DNAH7: variants seen among roughly 807,000 people sequenced by gnomAD.
The protein encoded by DNAH7 is axonemal beta dynein heavy chain 7.
A neutral mutation model predicts 444.6 loss-of-function variants in DNAH7; 397 were observed. The ratio of observed to expected loss-of-function variants is 0.89; its 90% confidence interval spans 0.82 to 0.97. The LOEUF (loss-of-function observed/expected upper bound fraction) is 0.97. Among genes scored for constraint, DNAH7 ranks in the 50% least tolerant of loss-of-function variants. DNAH7 has a pLI of 0.00. For missense variants in DNAH7, 4,902 were observed against 4,800.8 expected (o/e 1.02, Z -0.62); for synonymous variants, 1,636 against 1,624.4 (o/e 1.01, Z -0.17).
chr2:195,952,546 C>A (rs553914049), intron 19 of DNAH7, among the ~76,000 whole-genome samples: 1 of 152,256 alleles, frequency 6.6e-6, no homozygotes, highest in East Asian at 1.9e-4. Flanking sequence ...CCATTCTCCC[C>A]GTCAATTTCA....
At chr2:196,031,069 A>G (rs1696026928) in intron 5 of DNAH7, among the ~76,000 whole-genome samples, 1 of 152,242 alleles carries the variant, frequency 6.6e-6, no homozygotes, top group Admixed American at 6.5e-5. Flanking sequence ...CTGCCCTTGC[A>G]GGAAACTTTT....
At chr2:195,852,739 A>C (rs1699445370) in intron 46 of DNAH7, among the ~76,000 whole-genome samples, 1 of 152,172 alleles carries the variant, frequency 6.6e-6, no homozygotes, top group Admixed American at 6.5e-5. Flanking sequence ...GTGGGAGGCA[A>C]GGCAGGGAAC....
chr2:196,002,702 A>G (rs972230126), intron 10 of DNAH7, among the ~76,000 whole-genome samples: 7 of 152,306 alleles, frequency 4.6e-5, no homozygotes, highest in African/African-American at 1.4e-4. Context: ...ACAGTGTTGT[A>G]GAAGATATAA....
At chr2:196,057,961 A>T in intron 2 of DNAH7, 93 bp downstream of exon 2, 1 of 1,048,698 alleles carries the variant, frequency 9.5e-7, no homozygotes, top group South Asian at 2.4e-5. Flanking sequence ...AAAATTTAAA[A>T]TCAGAAATTC....
At chr2:196,000,146 T>TA (rs944542612) in intron 12 of DNAH7, among the ~76,000 whole-genome samples, 10 of 152,284 alleles carry the variant, frequency 6.6e-5, no homozygotes, top group Non-Finnish European at 1.3e-4. Context: ...TAAGTTATTT[T>TA]AAAAATACAA....
rs574406797 is a variant in DNAH7 at position 195,750,589 on chromosome 2, T to A, written c.11764+3748A>T. Among the ~76,000 whole-genome samples the A allele has an allele frequency of 2.6e-5, 4 of 152,342 alleles. No homozygotes were observed. In the East Asian group the frequency reaches 7.7e-4, roughly 29 times the overall value. On this transcript the variant is annotated intron_variant, in intron 63 of 64. Coordinates refer to ENST00000312428, the MANE Select transcript of DNAH7 (RefSeq NM_018897.3). ...TTCTACCAAAATACTCAGTAGGCCA[T>A]AGAGAAAGCAGCTAAGCATGAGAGC...
At chr2:195,967,768 G>C (rs1413771717) in intron 17 of DNAH7, among the ~76,000 whole-genome samples, 29 of 152,108 alleles carry the variant, frequency 1.9e-4, no homozygotes, top group Non-Finnish European at 1.0e-4. Context: ...CTGCTTTTAG[G>C]TTCCTTTATT....
intron 19 of DNAH7, among the ~76,000 whole-genome samples, chr2:195,953,896 C>T (rs1408502853): frequency 6.6e-6 from 1 of 152,198 alleles, no homozygotes; most frequent in Non-Finnish European, 1.5e-5. Context: ...TGTCATTAGA[C>T]TTCCTAAAAG....
intron 47 of DNAH7, among the ~76,000 whole-genome samples, chr2:195,838,883 A>G (rs1574531352): frequency 6.6e-6 from 1 of 152,040 alleles, no homozygotes. Flanking sequence ...CATCAAGAAG[A>G]CATAATAGTC....
intron 47 of DNAH7, among the ~76,000 whole-genome samples, chr2:195,840,174 T>G (rs553301648): frequency 1.3e-5 from 2 of 151,880 alleles, no homozygotes; most frequent in East Asian, 3.9e-4. Context: ...AAGTAGAGTT[T>G]AATCTGGAAA....
chr2:195,960,661 C>T lies in DNAH7; in HGVS notation c.2490G>A (p.Lys830=). The change falls in exon 18 of 65, where the codon AAG becomes AAA. Residue 830 remains lysine, a synonymous_variant. Coordinates refer to ENST00000312428, the MANE Select transcript of DNAH7 (RefSeq NM_018897.3). The part of the protein sequence containing the change: ...ALAMTKKVRS[K]VEDFKQHIPL... Reference sequence around the variant, plus strand: ...GAATGTGCTGCTTGAAATCTTCCACCTTTGATCTTACTTTTTTTGTCATTG... The same window carrying T: ...GAATGTGCTGCTTGAAATCTTCCACTTTTGATCTTACTTTTTTTGTCATTG... 1 of 1,614,206 alleles carries T rather than the reference C, an allele frequency of 6.2e-7. No homozygotes were observed. Among genetic ancestry groups the T allele is most frequent in the Non-Finnish European group, 8.5e-7 (1 of 1,180,022 alleles).
At position 195,826,026 on chromosome 2, in the gene DNAH7, C is replaced by A. The variant is rs538047500; in HGVS notation, c.9101-1581G>T. ...TTTTCATGGTTAAATAATATGAATG[C>A]ATCATAATGTATTAAATATGTTAAT... is the stretch of plus-strand genomic sequence containing the variant. On this transcript the variant is annotated intron_variant, in intron 48 of 64. Transcript: ENST00000312428. Among the ~76,000 whole-genome samples, 4 of 152,168 alleles carry A rather than the reference C, an allele frequency of 2.6e-5. No homozygotes were observed. In the South Asian group the frequency reaches 6.2e-4, roughly 24 times the overall value.
At chr2:195,752,270 C>A (rs1350425330) in intron 63 of DNAH7, among the ~76,000 whole-genome samples, 20 of 132,696 alleles carry the variant, frequency 1.5e-4, no homozygotes, top group African/African-American at 3.0e-4. Flanking sequence ...GACCCTATCT[C>A]AAAAAAAAAA....
intron 62 of DNAH7, 122 bp downstream of exon 62, chr2:195,756,011 G>A (rs1022124151): frequency 8.4e-6 from 8 of 956,910 alleles, no homozygotes; most frequent in Non-Finnish European, 1.2e-5. Context: ...ATTAAGTAGT[G>A]GTGATTTGTG....
intron 46 of DNAH7, among the ~76,000 whole-genome samples, chr2:195,853,038 ATT>A (rs1478354663): frequency 5.3e-5 from 8 of 152,174 alleles, no homozygotes; most frequent in African/African-American, 1.9e-4. Flanking sequence ...TTTAAAAAAA[ATT>A]TTATTTTTAA....
At chr2:195,896,222 G>C (rs1389115178) in intron 29 of DNAH7, among the ~76,000 whole-genome samples, 4 of 152,118 alleles carry the variant, frequency 2.6e-5, no homozygotes, top group Admixed American at 6.5e-5. Context: ...TTAAATTTTA[G>C]CCATGCTGTG....
chr2:195,792,163 T>C (rs377722970), intron 57 of DNAH7, among the ~76,000 whole-genome samples: 69 of 45,538 alleles, frequency 1.5e-3, no homozygotes, highest in African/African-American at 5.8e-3. Flanking sequence ...TGAGACCCTG[T>C]CTCAAAAAAA....
rs200552499 is a variant in DNAH7 at position 195,970,003 on chromosome 2, C to T, written c.2150G>A (p.Arg717Gln). 9 of 1,611,978 alleles carry T rather than the reference C, an allele frequency of 5.6e-6. No homozygotes were observed. Among genetic ancestry groups the T allele is most frequent in the South Asian group, 3.3e-5 (3 of 90,666 alleles). ...CAGTATTTGAGCCTTTTTTAGGTACCGCTGAACATCCTGAAGATCTCCAAA... is the reference window on the plus strand; with the variant it reads ...CAGTATTTGAGCCTTTTTTAGGTACTGCTGAACATCCTGAAGATCTCCAAA... The part of the protein sequence containing the change: ...YSFGDLQDVQ[R>Q]YLKKAQILNG... Residue 717 changes from arginine to glutamine, a missense_variant, in exon 17 of 65, where the codon CGG (arginine) becomes CAG (glutamine). By Grantham distance (43) the Arg-to-Gln change is conservative. Transcript: ENST00000312428.
intron 30 of DNAH7, chr2:195,894,561 T>TA (rs1702197008): frequency 2.0e-5 from 3 of 149,698 alleles, no homozygotes; most frequent in African/African-American, 7.4e-5. Flanking sequence ...GAATGTGTCA[T>TA]TATATATGTG....
Sources: gnomAD v4.1 joint callset for allele counts (sites outside exome capture counted in the v4.1 genomes callset) on GRCh38, gnomAD v4.1.1 for gene constraint, MANE v1.5 for transcripts, NCBI Gene and HGNC (gene_info 2026-07-23, HGNC 2026-07-21) for gene names.